The following CASC3 variants were observed in gnomAD, a reference collection of about 807,000 sequenced individuals.
CASC3 encodes protein CASC3.
Under a neutral mutation model 80.5 loss-of-function variants are expected in CASC3, and 30 were observed. The ratio of observed to expected loss-of-function variants is 0.37; its 90% confidence interval spans 0.28 to 0.51. The LOEUF (loss-of-function observed/expected upper bound fraction) is 0.51, where lower values mean the gene tolerates loss of function less well. CASC3 is among the 20% of genes least tolerant of loss of function. The probability of loss-of-function intolerance (pLI) is 0.94; values close to 1 mark genes in which losing one functional copy is unlikely to be tolerated. For synonymous variants in CASC3, 312 were observed against 333.6 expected (o/e 0.94, Z 0.70); for missense variants, 824 against 922.2 (o/e 0.89, Z 1.38).
At position 40,140,768 on chromosome 17, in the gene CASC3, G is replaced by T. The variant is rs543731181; in HGVS notation, c.220G>T (p.Glu74Ter). 3 of 1,403,158 alleles carry T rather than the reference G, an allele frequency of 2.1e-6. No homozygotes were observed. The highest frequency in any genetic ancestry group is 2.8e-6 in the Non-Finnish European group (3 of 1,064,486). 86.9% of individuals were successfully genotyped at this position (1,403,158 alleles called of 1,614,324 possible). A position where few individuals can be genotyped will look rare whatever the true frequency, so the allele number is the denominator to read the frequency against. Residue 74 changes from glutamate (E) to a stop codon, truncating the protein, a stop_gained, in exon 1 of 14, where the codon GAG (glutamate) becomes TAG (stop). Coordinates refer to ENST00000264645, the MANE Select transcript of CASC3 (RefSeq NM_007359.5). LOFTEE classifies it high-confidence loss of function. ...VESGGAKSAEESECESEDGIE... is the reference protein window; with the variant it reads ...VESGGAKSAE ...GAGCGGGGGCGCCAAGAGTGCTGAG[G>T]AGTCGGAGTGTGTGAGTGCGCGCAG...
chr17:40,167,822 ATG>A, intron 9 of CASC3, 26 bp from the exon 10 acceptor site: 1 of 1,582,666 alleles, frequency 6.3e-7, no homozygotes, highest in Non-Finnish European at 8.7e-7. Flanking sequence ...GTAAGGGTTT[ATG>A]AGAGTCCCAA....
chr17:40,141,506 G>C, intron 2 of CASC3, 64 bp from the exon 3 acceptor site: 1 of 1,403,164 alleles, frequency 7.1e-7, no homozygotes, highest in Non-Finnish European at 1.0e-6. Context: ...AGTCTGACCT[G>C]TAATAAGCAG....
At chr17:40,166,940 T>TC in intron 8 of CASC3, 79 bp downstream of exon 8, 1 of 1,021,204 alleles carries the variant, frequency 9.8e-7, no homozygotes, top group South Asian at 1.6e-5. Context: ...CAAGATAAGG[T>TC]CTTTTTTTTT....
intron 2 of CASC3, 150 bp from the exon 3 acceptor site, chr17:40,141,420 C>T: frequency 2.4e-6 from 2 of 834,102 alleles, no homozygotes; most frequent in South Asian, 3.1e-5. Context: ...CCCTCTGAGC[C>T]TGTTTCTCCT....
At chr17:40,149,855 A>G (rs1050503899) in intron 3 of CASC3, among the ~76,000 whole-genome samples, 2 of 152,038 alleles carry the variant, frequency 1.3e-5, no homozygotes, top group Non-Finnish European at 2.9e-5. Context: ...AATACAAAAA[A>G]TTAGCCGGGC....
intron 12 of CASC3, 71 bp downstream of exon 12, chr17:40,169,517 C>A: frequency 6.4e-7 from 1 of 1,571,662 alleles, no homozygotes; most frequent in East Asian, 2.3e-5. Flanking sequence ...CAGAGGATTT[C>A]CCTCATTTTC....
At position 40,169,438 on chromosome 17, in the gene CASC3, C is replaced by T; in HGVS notation, c.2080C>T (p.Pro694Ser). ...CCAGCCAGTCACCATCAAGCCCCCT[C>T]CACCTGAGGTATGAGAGTTCCTTCC... Reference protein sequence around the residue: ...TPQPVTIKPPPPEVVSRGSS With the variant: ...TPQPVTIKPPSPEVVSRGSS The change falls in exon 12 of 14, where the codon CCA becomes TCA. Residue 694 changes from proline (P) to serine (S), a missense_variant. Physicochemically the swap from Pro to Ser is moderately conservative, Grantham distance 74. Coordinates refer to ENST00000264645, the MANE Select transcript of CASC3 (RefSeq NM_007359.5). 1 of 1,608,562 alleles carries T rather than the reference C, an allele frequency of 6.2e-7. No homozygotes were observed. Among genetic ancestry groups the T allele is most frequent in the Non-Finnish European group, 8.5e-7 (1 of 1,177,832 alleles).
intron 3 of CASC3, among the ~76,000 whole-genome samples, chr17:40,145,287 C>T (rs1399393831): frequency 6.6e-6 from 1 of 152,020 alleles, no homozygotes; most frequent in Non-Finnish European, 1.5e-5. Context: ...ATTTCTCCTG[C>T]CTCAGCCTCC....
At position 40,163,663 on chromosome 17, in the gene CASC3, G is replaced by A. The variant is rs764903865; in HGVS notation, c.968G>A (p.Arg323His). The change falls in exon 7 of 14, where the codon CGT becomes CAT. Residue 323 changes from arginine to histidine, a missense_variant. Arg to His is a conservative substitution (Grantham distance 29). Around this residue, in one of 3 missense-constraint regions of CASC3, gnomAD observed 464 missense variants for 506.0 expected, o/e 0.92. Coordinates refer to ENST00000264645, the MANE Select transcript of CASC3 (RefSeq NM_007359.5). ...CGATCTGGGGGCTTCAAGGAAGGTC[G>A]TGCTGGTTTTAGGCCTGTGGAAGCT... ...YSRSGGFKEG[R>H]AGFRPVEAGG... 3.6e-5 allele frequency: 58 copies of A among 1,614,032 alleles called. No individual in the cohort carries two copies. In the East Asian group the frequency reaches 1.0e-3, roughly 29 times the overall value.
intron 3 of CASC3, among the ~76,000 whole-genome samples, chr17:40,155,952 G>T (rs1989135969): frequency 6.6e-6 from 1 of 152,140 alleles, no homozygotes; most frequent in Admixed American, 6.5e-5. Context: ...TTCTGCCCTG[G>T]AAACAAAATT....
In CASC3 at chr17:40,168,388, C is replaced by G; in HGVS notation, c.1936C>G (p.Pro646Ala). 1 of 1,614,078 alleles carries G rather than the reference C, an allele frequency of 6.2e-7. No homozygotes were observed. The highest frequency in any genetic ancestry group is 2.2e-5 in the East Asian group (1 of 44,878). The change falls in exon 11 of 14, where the codon CCA (proline) becomes GCA (alanine). Residue 646 changes from proline to alanine, a missense_variant. This residue lies in a region of CASC3 where 464 missense variants were observed against 506.0 expected (regional missense o/e 0.92). Transcript: ENST00000264645. ...TGCTCCAGGGGCACTGCCTCCCCCACCACCGCCTCATCTGTATCCTAATAC... is the reference window on the plus strand; with the variant it reads ...TGCTCCAGGGGCACTGCCTCCCCCAGCACCGCCTCATCTGTATCCTAATAC... ...PYAPGALPPPPPPHLYPNTQA... is the reference protein window; with the variant it reads ...PYAPGALPPPAPPHLYPNTQA...
Position 40,172,065 on chromosome 17 carries a change from C to T in CASC3, c.*1660C>T. The T allele has an allele frequency of 7.8e-7, 1 of 1,289,920 alleles. No individual in the cohort carries two copies. The highest frequency in any genetic ancestry group is 2.1e-4 in the Middle Eastern group (1 of 4,696). 79.9% of individuals were successfully genotyped at this position (1,289,920 alleles called of 1,614,324 possible). Reference sequence around the variant, plus strand: ...TCTGTTGGTCCACTGTGTTTAGTTGCAAGGATTTTTCCATGTGTGGTGGTG... The same window carrying T: ...TCTGTTGGTCCACTGTGTTTAGTTGTAAGGATTTTTCCATGTGTGGTGGTG... On this transcript the variant is annotated 3_prime_UTR_variant, in exon 14 of 14. Transcript: ENST00000264645.
Position 40,140,758 on chromosome 17 carries a change from G to C in CASC3, c.210G>C (p.Lys70Asn). ...GGCGGGTGGAGAGCGGGGGCGCCAA[G>C]AGTGCTGAGGAGTCGGAGTGTGTGA... is the stretch of plus-strand genomic sequence containing the variant. ...HLRRVESGGAKSAEESECESE... is the reference protein window; with the variant it reads ...HLRRVESGGANSAEESECESE... Residue 70 changes from lysine (K) to asparagine (N), a missense_variant, in exon 1 of 14, where the codon AAG becomes AAC. By Grantham distance (94) the Lys-to-Asn change is moderately conservative (BLOSUM62 0). Transcript: ENST00000264645. 1 of 1,456,172 alleles carries C rather than the reference G, an allele frequency of 6.9e-7. No homozygotes were observed. The highest frequency in any genetic ancestry group is 9.1e-7 in the Non-Finnish European group (1 of 1,095,760). 90.2% of individuals were successfully genotyped at this position (1,456,172 alleles called of 1,614,324 possible).
In CASC3 at chr17:40,146,925, C is replaced by A. The variant is rs140297574; in HGVS notation, c.297+5318C>A. 2.6e-5 allele frequency among the ~76,000 whole-genome samples: 4 copies of A among 152,170 alleles called. No individual in the cohort carries two copies. The East Asian group carries it at 7.7e-4, about 29-fold the overall frequency. ...CTACTGAATGTTTATGGCTTTCATA[C>A]CACCATAAAGTCAAAATTATAAGTT... On this transcript the variant is annotated intron_variant, in intron 3 of 13. Coordinates refer to ENST00000264645, the MANE Select transcript of CASC3 (RefSeq NM_007359.5).
rs1366309518 is a variant in CASC3, at chr17:40,140,617, C to T, written c.69C>T (p.Ser23=). Residue 23 remains serine, a synonymous_variant, in exon 1 of 14, where the codon TCC becomes TCT. Transcript: ENST00000264645. ...ACGAGGAATCTGGTGCTTCGGGCTC[C>T]GACAGCGGCGGCTCCCCGTTGCGGG... ...TEDEESGASG[S]DSGGSPLRGG... The T allele has an allele frequency of 6.2e-7, 1 of 1,610,778 alleles. No homozygotes were observed. Among genetic ancestry groups the T allele is most frequent in the Non-Finnish European group, 8.5e-7 (1 of 1,179,282 alleles).
rs1567674741 is a variant in CASC3 at position 40,141,193 on chromosome 17, C to T, written c.232-14C>T. 4 of 1,613,212 alleles carry T rather than the reference C, an allele frequency of 2.5e-6. No homozygotes were observed. The highest frequency in any genetic ancestry group is 2.7e-5 in the African/African-American group (2 of 74,898). The stretch of plus-strand genomic sequence containing the variant: ...AAATCACAGAACTAACCCATGTCTT[C>T]TGCTTTCTTTCAGGAGAGTGAAGAT... On this transcript the variant is annotated splice_polypyrimidine_tract_variant and intron_variant, in intron 1 of 13. Coordinates refer to ENST00000264645, the MANE Select transcript of CASC3 (RefSeq NM_007359.5).
At chr17:40,169,837 C>G (rs1989552178) in intron 13 of CASC3, among the ~76,000 whole-genome samples, 175 bp downstream of exon 13, 1 of 139,286 alleles carries the variant, frequency 7.2e-6, no homozygotes, top group Admixed American at 7.7e-5. Context: ...CTCACTGCAA[C>G]CTCCATCTCC....
At chr17:40,151,023 AAAAG>A (rs1205680214) in intron 3 of CASC3, among the ~76,000 whole-genome samples, 4 of 151,796 alleles carry the variant, frequency 2.6e-5, no homozygotes, top group Admixed American at 6.6e-5. Context: ...AAAAAAGAAA[AAAAG>A]AAAAAAAACT....
intron 3 of CASC3, among the ~76,000 whole-genome samples, chr17:40,143,685 C>G (rs1307932824): frequency 1.3e-5 from 2 of 151,868 alleles, no homozygotes; most frequent in Non-Finnish European, 2.9e-5. Context: ...CAAAAATTAG[C>G]TGGGCGTGCT....
Sources: allele counts gnomAD v4.1 joint callset (sites outside exome capture counted in the v4.1 genomes callset), GRCh38; gene constraint gnomAD v4.1.1; regional missense constraint gnomAD v4.1.1; transcripts MANE v1.5; gene names NCBI Gene and HGNC (gene_info 2026-07-23, HGNC 2026-07-21).